Variants in CNTNAP2 observed in about 807,000 individuals in gnomAD.
CNTNAP2 encodes contactin associated protein 2, also known as contactin-associated protein-like 2.
A neutral mutation model predicts 155.2 loss-of-function variants in CNTNAP2; 98 were observed. That is an observed-to-expected ratio of 0.63 (90% CI 0.54 to 0.75). The LOEUF is 0.75. Among genes scored for constraint, CNTNAP2 ranks in the 30% least tolerant of loss-of-function variants. The pLI is 0.00. For synonymous variants in CNTNAP2, 651 were observed against 631.2 expected (o/e 1.03, Z -0.47); for missense variants, 1,727 against 1,688.1 (o/e 1.02, Z -0.40).
At chr7:146,158,257 A>C (rs2116792082) in intron 1 of CNTNAP2, among the ~76,000 whole-genome samples, 1 of 152,332 alleles carries the variant, frequency 6.6e-6, no homozygotes, top group East Asian at 1.9e-4. Context: ...CAAAGACCAA[A>C]GGTAGATAAA....
At chr7:147,712,354 T>C (rs947434539) in intron 13 of CNTNAP2, among the ~76,000 whole-genome samples, 2 of 152,004 alleles carry the variant, frequency 1.3e-5, no homozygotes, top group Non-Finnish European at 2.9e-5. Context: ...CTCAAGGAGG[T>C]AGAACTAGAA....
intron 10 of CNTNAP2, among the ~76,000 whole-genome samples, chr7:147,485,540 C>T (rs111246199): frequency 1.3e-5 from 2 of 152,126 alleles, no homozygotes; most frequent in African/African-American, 4.8e-5. Context: ...CCCCTCTTTA[C>T]GTCAGTTTTT....
At chr7:146,749,378 G>T (rs371024004) in intron 1 of CNTNAP2, among the ~76,000 whole-genome samples, 2 of 152,142 alleles carry the variant, frequency 1.3e-5, no homozygotes, top group South Asian at 2.1e-4. Flanking sequence ...CTGGCAAGTG[G>T]CAAAGCTAGG....
intron 1 of CNTNAP2, among the ~76,000 whole-genome samples, chr7:146,745,113 A>G (rs557294946): frequency 1.3e-5 from 2 of 152,276 alleles, no homozygotes; most frequent in East Asian, 3.9e-4. Context: ...TATTAATAGA[A>G]TCATCCCATC....
At chr7:146,118,024 G>A (rs1179764732) in intron 1 of CNTNAP2, among the ~76,000 whole-genome samples, 2 of 152,072 alleles carry the variant, frequency 1.3e-5, no homozygotes, top group East Asian at 1.9e-4. Context: ...TCCAGAATTC[G>A]TCATATGCGA....
intron 1 of CNTNAP2, among the ~76,000 whole-genome samples, chr7:146,477,360 T>A (rs1796893249): frequency 6.6e-6 from 1 of 152,168 alleles, no homozygotes; most frequent in African/African-American, 2.4e-5. Context: ...TCATTCTAGT[T>A]TTATTATTTG....
chr7:147,709,918 G>A (rs700317), intron 13 of CNTNAP2, among the ~76,000 whole-genome samples: 79,392 of 151,792 alleles, frequency 0.52, 22,996 homozygotes, highest in African/African-American at 0.77. Context: ...TGTCCAACTA[G>A]TTACTAAATT....
intron 8 of CNTNAP2, among the ~76,000 whole-genome samples, chr7:147,175,000 A>C (rs1802309230): frequency 6.6e-6 from 1 of 152,170 alleles, no homozygotes; most frequent in African/African-American, 2.4e-5. Context: ...TAATGAGGAA[A>C]CATCTCAGGG....
At chr7:147,936,024 CT>C (rs10708179) in intron 14 of CNTNAP2, among the ~76,000 whole-genome samples, 133,818 of 152,122 alleles carry the variant, frequency 0.88, 59,755 homozygotes, top group Non-Finnish European at 0.97. Context: ...AAAAGCTCAA[CT>C]TAAAAGTGTG....
chr7:146,279,383 T>C (rs1386210696), intron 1 of CNTNAP2, among the ~76,000 whole-genome samples: 4 of 151,846 alleles, frequency 2.6e-5, no homozygotes, highest in African/African-American at 9.7e-5. Context: ...TTATTCATCT[T>C]TTTCATAGAA....
chr7:146,766,642 A>G (rs942264562), intron 1 of CNTNAP2, among the ~76,000 whole-genome samples: 2 of 152,158 alleles, frequency 1.3e-5, no homozygotes, highest in African/African-American at 4.8e-5. Flanking sequence ...TGGTAATACT[A>G]CCCATCTCAA....
chr7:147,936,874 G>T (rs1780417000), intron 14 of CNTNAP2, among the ~76,000 whole-genome samples: 1 of 152,116 alleles, frequency 6.6e-6, no homozygotes, highest in African/African-American at 2.4e-5. Context: ...GCAGGTTTCT[G>T]TGCTCCCTTG....
chr7:148,155,421 T>G lies in CNTNAP2; in HGVS notation c.2773+7712T>G, dbSNP rs192087765. On this transcript the variant is annotated intron_variant, in intron 17 of 23. Coordinates refer to ENST00000361727, the MANE Select transcript of CNTNAP2 (RefSeq NM_014141.6). ...TTGTTTCTTTATTTTGATTTTTTGG[T>G]TTTTTTTATTTCACTAAAATACAAT... Among the ~76,000 whole-genome samples, 1,141 of 152,184 alleles carry G rather than the reference T, an allele frequency of 7.5e-3. 10 individuals are homozygous for G. The highest frequency in any genetic ancestry group is 0.023 in the South Asian group (113 of 4,820).
At chr7:146,504,210 A>G (rs139280969) in intron 1 of CNTNAP2, among the ~76,000 whole-genome samples, 103 of 152,296 alleles carry the variant, frequency 6.8e-4, no homozygotes, top group African/African-American at 1.8e-3. Context: ...CAGGGCAGAA[A>G]CCTGGACACA....
At chr7:146,688,489 A>G (rs970940330) in intron 1 of CNTNAP2, among the ~76,000 whole-genome samples, 2 of 152,048 alleles carry the variant, frequency 1.3e-5, no homozygotes, top group African/African-American at 4.8e-5. Context: ...TAGGTAGTAG[A>G]AAATTATTAC....
At chr7:146,533,107 C>CAAA (rs553035616) in intron 1 of CNTNAP2, among the ~76,000 whole-genome samples, 17 of 47,846 alleles carry the variant, frequency 3.6e-4, no homozygotes, top group African/African-American at 7.5e-4. Context: ...GACCCTGTCT[C>CAAA]AAAAAAAAAA....
intron 1 of CNTNAP2, among the ~76,000 whole-genome samples, chr7:146,480,495 A>G (rs1420599205): frequency 1.3e-5 from 2 of 151,760 alleles, no homozygotes; most frequent in Non-Finnish European, 2.9e-5. Context: ...GAAGAACATA[A>G]TATTAATATT....
intron 13 of CNTNAP2, among the ~76,000 whole-genome samples, chr7:147,890,279 T>C (rs1799668394): frequency 6.6e-6 from 1 of 152,212 alleles, no homozygotes; most frequent in Non-Finnish European, 1.5e-5. Flanking sequence ...GGTATTTTGA[T>C]AGAATTTATA....
intron 12 of CNTNAP2, among the ~76,000 whole-genome samples, chr7:147,619,260 T>C (rs954552653): frequency 6.6e-6 from 1 of 152,214 alleles, no homozygotes; most frequent in African/African-American, 2.4e-5. Context: ...GTAGTTTCTG[T>C]TTGCATTATA....
Sources: gnomAD v4.1 joint callset for allele counts (sites outside exome capture counted in the v4.1 genomes callset) on GRCh38, gnomAD v4.1.1 for gene constraint, MANE v1.5 for transcripts, NCBI Gene and HGNC (gene_info 2026-07-23, HGNC 2026-07-21) for gene names.